The following TDG variants were observed in gnomAD, a reference collection of about 807,000 sequenced individuals.
The protein encoded by TDG is G/T mismatch-specific thymine DNA glycosylase.
Under a neutral mutation model 46.1 loss-of-function variants are expected in TDG, and 23 were observed. That is an observed-to-expected ratio of 0.50 (90% CI 0.36 to 0.71). TDG has a LOEUF of 0.71. Ranked by LOEUF, TDG falls within the 30% of genes least tolerant of loss-of-function variation. The pLI is 0.00. For synonymous variants in TDG, 115 were observed against 161.3 expected (o/e 0.71, Z 2.18); for missense variants, 304 against 486.7 (o/e 0.62, Z 3.53).
At chr12:103,985,008 T>TACATATAC (rs1407016478) in intron 8 of TDG, 88 bp downstream of exon 8, 2 of 1,118,436 alleles carry the variant, frequency 1.8e-6, no homozygotes, top group Admixed American at 2.7e-5. Flanking sequence ...TATACATATA[T>TACATATAC]ACATATACAC....
intron 2 of TDG, among the ~76,000 whole-genome samples, chr12:103,979,180 G>A (rs1871692787): frequency 1.4e-5 from 2 of 142,100 alleles, no homozygotes; most frequent in Admixed American, 7.8e-5. Flanking sequence ...TCAGCTCACT[G>A]CAACCTCCAC....
intron 1 of TDG, among the ~76,000 whole-genome samples, chr12:103,974,174 T>G (rs539877259): frequency 4.0e-4 from 61 of 152,256 alleles, no homozygotes; most frequent in African/African-American, 1.4e-3. Context: ...CAGGAAATGC[T>G]TTAGTTTGCC....
At chr12:103,979,384 A>G (rs1871704865) in intron 2 of TDG, among the ~76,000 whole-genome samples, 1 of 152,080 alleles carries the variant, frequency 6.6e-6, no homozygotes, top group South Asian at 2.1e-4. Flanking sequence ...GATTACAGAC[A>G]TGAGCCACCA....
At chr12:103,973,296 G>C (rs1871364338) in intron 1 of TDG, among the ~76,000 whole-genome samples, 1 of 151,950 alleles carries the variant, frequency 6.6e-6, no homozygotes, top group Non-Finnish European at 1.5e-5. Flanking sequence ...TGTTGGTCGG[G>C]CTGGTCTTGA....
At chr12:103,982,056 C>T (rs970299255) in intron 4 of TDG, among the ~76,000 whole-genome samples, 2 of 152,110 alleles carry the variant, frequency 1.3e-5, no homozygotes, top group Non-Finnish European at 2.9e-5. Flanking sequence ...AGCGTAACTA[C>T]TGTTGCATTG....
Position 103,965,972 on chromosome 12 carries a change from G to C in TDG, c.-66G>C. The C allele has an allele frequency of 6.4e-7, 1 of 1,569,966 alleles. No homozygotes were observed. The highest frequency in any genetic ancestry group is 8.6e-7 in the Non-Finnish European group (1 of 1,158,092). Reference sequence around the variant, plus strand: ...GTCTTACCGCAGTGAGTACCACGCGGTACTACAGAGACCGGCTGCCCGTGT... The same window carrying C: ...GTCTTACCGCAGTGAGTACCACGCGCTACTACAGAGACCGGCTGCCCGTGT... On this transcript the variant is annotated 5_prime_UTR_variant, in exon 1 of 10. Transcript: ENST00000392872.
chr12:103,984,482 TA>T (rs1430565366), intron 7 of TDG, among the ~76,000 whole-genome samples: 3 of 152,092 alleles, frequency 2.0e-5, no homozygotes, highest in African/African-American at 7.2e-5. Flanking sequence ...TAATCCCAGC[TA>T]CGTAGGAGGC....
rs1744231780 is a variant in TDG, at chr12:103,987,575, A to C, written c.*485A>C. ...ATTTGTTAGTTTTTAGTGGTAACTA[A>C]GGGTAAACTCAGGGTTCCCTGAGCT... On this transcript the variant is annotated 3_prime_UTR_variant, in exon 10 of 10. Transcript: ENST00000392872. 6.4e-6 allele frequency: 1 copy of C among 156,344 alleles called. No homozygotes were observed. 9.7% of individuals were successfully genotyped at this position (156,344 alleles called of 1,614,324 possible). A position where few individuals can be genotyped will look rare whatever the true frequency, so the allele number is the denominator to read the frequency against.
intron 8 of TDG, among the ~76,000 whole-genome samples, 186 bp downstream of exon 8, chr12:103,985,106 CAT>C (rs1308133820): frequency 1.5e-4 from 22 of 143,854 alleles, no homozygotes; most frequent in East Asian, 8.4e-4. Context: ...TGTCTATATA[CAT>C]ATATGTGTGT....
At chr12:103,967,564 C>A (rs1347802557) in intron 1 of TDG, among the ~76,000 whole-genome samples, 1 of 148,398 alleles carries the variant, frequency 6.7e-6, no homozygotes, top group African/African-American at 2.5e-5. Context: ...TCAAGCGATT[C>A]TCCCGCTGCA....
chr12:103,984,977 A>G, intron 8 of TDG, 57 bp downstream of exon 8: 1 of 1,383,690 alleles, frequency 7.2e-7, no homozygotes, highest in South Asian at 1.6e-5. Flanking sequence ...ATACACATAT[A>G]TACTTACATA....
intron 1 of TDG, among the ~76,000 whole-genome samples, chr12:103,974,907 G>A (rs956609621): frequency 1.3e-5 from 2 of 150,630 alleles, no homozygotes; most frequent in South Asian, 2.1e-4. Context: ...CCCGGGAGGC[G>A]GAGCTTGCAG....
chr12:103,982,785 T>A lies in TDG; in HGVS notation c.479-14T>A. The A allele has an allele frequency of 6.2e-7, 1 of 1,611,166 alleles. No individual in the cohort carries two copies. Among genetic ancestry groups the A allele is most frequent in the South Asian group, 1.1e-5 (1 of 90,860 alleles). On this transcript the variant is annotated splice_polypyrimidine_tract_variant and intron_variant, in intron 4 of 9. Transcript: ENST00000392872. Reference sequence around the variant, plus strand: ...GTCTAAAAAAAAATAAATAACTGAATTTTCATTTTACAGGGAAGTGTTTGT... The same window carrying A: ...GTCTAAAAAAAAATAAATAACTGAAATTTCATTTTACAGGGAAGTGTTTGT...
rs1390053748 is a variant in TDG, at chr12:103,987,710, G to C, written c.*620G>C. 1 of 152,614 alleles carries C rather than the reference G, an allele frequency of 6.6e-6. No individual in the cohort carries two copies. Among genetic ancestry groups the C allele is most frequent in the African/African-American group, 2.4e-5 (1 of 41,486 alleles). The allele number at this position is 152,614 out of a possible 1,614,324, so 9.5% of individuals were successfully genotyped here. On this transcript the variant is annotated 3_prime_UTR_variant, in exon 10 of 10. Coordinates refer to ENST00000392872, the MANE Select transcript of TDG (RefSeq NM_003211.6). Reference sequence around the variant, plus strand: ...CTGGCTTTGACCTGCTCAGCCCTGTGTGTTAATCCTCTAGTAGCCAATTAA... The same window carrying C: ...CTGGCTTTGACCTGCTCAGCCCTGTCTGTTAATCCTCTAGTAGCCAATTAA...
Position 103,988,075 on chromosome 12 carries a change from CTGTT to C in TDG, c.*990_*993del, listed in dbSNP as rs1168933538. 1.3e-5 allele frequency: 2 copies of C among 152,848 alleles called. No homozygotes were observed. Among genetic ancestry groups the C allele is most frequent in the South Asian group, 2.1e-4 (1 of 4,834 alleles). 9.5% of individuals were successfully genotyped at this position (152,848 alleles called of 1,614,324 possible). On this transcript the variant is annotated 3_prime_UTR_variant, in exon 10 of 10. Coordinates refer to ENST00000392872, the MANE Select transcript of TDG (RefSeq NM_003211.6). ...TAAAGATTCTTTATCTGCATCATTGCTGTTTGTTACTATAAATTAAATGAACCTC... is the reference window on the plus strand; with the variant it reads ...TAAAGATTCTTTATCTGCATCATTGCTGTTACTATAAATTAAATGAACCTC...
chr12:103,981,515 G>A (rs778932946), intron 4 of TDG, among the ~76,000 whole-genome samples: 2 of 152,040 alleles, frequency 1.3e-5, no homozygotes, highest in Non-Finnish European at 2.9e-5. Context: ...GATTACAGGC[G>A]TGAGCTACAA....
In TDG at chr12:103,987,216, A is replaced by G; in HGVS notation, c.*126A>G. The stretch of plus-strand genomic sequence containing the variant: ...CTCTAGTGGTGTAATTGTAATGTAG[A>G]ACAGTTGTGTGGTAGTGTGAACCGT... On this transcript the variant is annotated 3_prime_UTR_variant, in exon 10 of 10. Transcript: ENST00000392872. 1 of 1,408,788 alleles carries G rather than the reference A, an allele frequency of 7.1e-7. No individual in the cohort carries two copies. Among genetic ancestry groups the G allele is most frequent in the Non-Finnish European group, 9.7e-7 (1 of 1,034,638 alleles). 87.3% of individuals were successfully genotyped at this position (1,408,788 alleles called of 1,614,324 possible). A position where few individuals can be genotyped will look rare whatever the true frequency, so the allele number is the denominator to read the frequency against.
At chr12:103,971,310 C>T (rs899237564) in intron 1 of TDG, among the ~76,000 whole-genome samples, 1 of 152,170 alleles carries the variant, frequency 6.6e-6, no homozygotes, top group Admixed American at 6.5e-5. Flanking sequence ...CACCTGTAAT[C>T]CCAGCACTTT....
chr12:103,979,984 A>C lies in TDG; in HGVS notation c.320A>C (p.Lys107Thr), dbSNP rs552491179. The change falls in exon 3 of 10, where the codon AAA becomes ACA. Residue 107 changes from lysine to threonine, a missense_variant. Physicochemically the swap from Lys to Thr is moderately conservative, Grantham distance 78. Transcript: ENST00000392872. The part of the protein sequence containing the change: ...KITDTFKVKR[K>T]VDRFNGVSEA... ...ACAGACACATTTAAAGTAAAAAGAA[A>C]AGTAGACCGTTTTAATGGTGTTTCA... 4.3e-6 allele frequency: 7 copies of C among 1,613,410 alleles called. No homozygotes were observed. The highest frequency in any genetic ancestry group is 5.9e-6 in the Non-Finnish European group (7 of 1,179,984).
Sources: gnomAD v4.1 joint callset for allele counts (sites outside exome capture counted in the v4.1 genomes callset) on GRCh38, gnomAD v4.1.1 for gene constraint, MANE v1.5 for transcripts, NCBI Gene and HGNC (gene_info 2026-07-23, HGNC 2026-07-21) for gene names.